The following RBFOX1 variants were observed in gnomAD, a reference collection of about 807,000 sequenced individuals.
RBFOX1 encodes RNA binding fox-1 homolog 1, also known as RNA binding protein fox-1 homolog 1.
Under a neutral mutation model 57.7 loss-of-function variants are expected in RBFOX1, and 8 were observed. The ratio of observed to expected loss-of-function variants is 0.14; its 90% confidence interval spans 0.08 to 0.25. RBFOX1 has a LOEUF of 0.25. Among genes scored for constraint, RBFOX1 ranks in the 10% least tolerant of loss-of-function variants. RBFOX1 has a pLI of 1.00. For missense variants in RBFOX1, 611 were observed against 548.5 expected, an observed-to-expected ratio of 1.11 and a Z score of -1.14; for synonymous variants, 326 against 222.4, an observed-to-expected ratio of 1.47 and a Z score of -4.15.
chr16:6,499,231 A>C (rs1019669776), intron 2 of RBFOX1, among the ~76,000 whole-genome samples: 4 of 152,156 alleles, frequency 2.6e-5, no homozygotes, highest in Admixed American at 2.6e-4. Flanking sequence ...CATTCTTCAA[A>C]ATGATATGGT....
chr16:5,603,979 C>T (rs920731017), downstream of RBFOX1, among the ~76,000 whole-genome samples: 20 of 152,132 alleles, frequency 1.3e-4, no homozygotes, highest in Non-Finnish European at 2.4e-4. Context: ...TGTCATTCTC[C>T]CCTCCTATAC....
intron 3 of RBFOX1, among the ~76,000 whole-genome samples, chr16:6,893,828 C>T (rs34932937): frequency 0.085 from 12,904 of 152,154 alleles, 679 homozygotes; most frequent in East Asian, 0.16. Context: ...TAAAAATATG[C>T]TTAATACTTC....
At chr16:7,123,424 G>A (rs2067664069) in intron 4 of RBFOX1, among the ~76,000 whole-genome samples, 1 of 152,090 alleles carries the variant, frequency 6.6e-6, no homozygotes, top group Admixed American at 6.5e-5. Context: ...GAGTACAGTG[G>A]TGCCAATACA....
chr16:6,864,989 C>CT (rs1555544471), intron 3 of RBFOX1, among the ~76,000 whole-genome samples: 61 of 105,776 alleles, frequency 5.8e-4, no homozygotes, highest in East Asian at 1.5e-3. Context: ...GTGGGTTTTT[C>CT]TTTTTCTTTT....
intron 3 of RBFOX1, among the ~76,000 whole-genome samples, chr16:5,820,447 C>T (rs553939745): frequency 6.6e-6 from 1 of 152,190 alleles, no homozygotes; most frequent in East Asian, 1.9e-4. Context: ...TGGACCGTGC[C>T]GGGATTGATC....
chr16:5,981,261 G>A (rs2060167248), intron 4 of RBFOX1, among the ~76,000 whole-genome samples: 2 of 152,222 alleles, frequency 1.3e-5, no homozygotes, highest in Admixed American at 6.5e-5. Context: ...GGAGGGCTGG[G>A]CTGGATCTTT....
At chr16:6,220,117 A>G (rs1191675096) in intron 1 of RBFOX1, among the ~76,000 whole-genome samples, 1 of 151,904 alleles carries the variant, frequency 6.6e-6, no homozygotes, top group African/African-American at 2.4e-5. Flanking sequence ...GGTATTTATC[A>G]TTTATCTGTA....
At chr16:6,120,335 T>A (rs1457617303) in intron 1 of RBFOX1, among the ~76,000 whole-genome samples, 1 of 152,230 alleles carries the variant, frequency 6.6e-6, no homozygotes, top group Non-Finnish European at 1.5e-5. Context: ...TATGTTCAAC[T>A]TACTGAGGCA....
chr16:7,464,833 A>C (rs979005585), intron 4 of RBFOX1, among the ~76,000 whole-genome samples: 1 of 150,734 alleles, frequency 6.6e-6, no homozygotes, highest in Admixed American at 6.6e-5. Context: ...AGTAGCTGGG[A>C]CTGCAGGCGC....
At chr16:6,211,246 T>TTTTG (rs71142695) in intron 1 of RBFOX1, among the ~76,000 whole-genome samples, 4 of 147,414 alleles carry the variant, frequency 2.7e-5, no homozygotes, top group Non-Finnish European at 6.0e-5. Flanking sequence ...TTTTTTTTTT[T>TTTTG]GGGATGGAGT....
rs528663279 is a variant in RBFOX1 at position 5,291,038 on chromosome 16, C to A, written c.219+50933C>A. 7.6e-4 allele frequency among the ~76,000 whole-genome samples: 116 copies of A among 152,238 alleles called. 1 individual carries two copies. The highest frequency in any genetic ancestry group is 1.8e-3 in the Admixed American group (28 of 15,288). ...TTTCAAGAAGTTTGTGTGGCTGAAG[C>A]CTGCAGGGCAAGCGAGAGAATCAGG... On this transcript the variant is annotated intron_variant, in intron 1 of 2. Coordinates refer to the RBFOX1 transcript ENST00000585867.
intron 4 of RBFOX1, among the ~76,000 whole-genome samples, chr16:5,882,764 A>C (rs540568829): frequency 1.3e-5 from 2 of 152,276 alleles, no homozygotes; most frequent in African/African-American, 4.8e-5. Flanking sequence ...ACGGAATTTG[A>C]CACAATACAT....
chr16:7,275,446 A>G (rs559403402), intron 4 of RBFOX1, among the ~76,000 whole-genome samples: 2 of 152,342 alleles, frequency 1.3e-5, no homozygotes, highest in Non-Finnish European at 1.5e-5. Flanking sequence ...AGACATTAAC[A>G]TAAGTAAGTA....
intron 3 of RBFOX1, among the ~76,000 whole-genome samples, chr16:5,637,510 T>A (rs1384016847): frequency 1.3e-5 from 2 of 152,210 alleles, no homozygotes; most frequent in Admixed American, 6.5e-5. Flanking sequence ...GTCTATAATG[T>A]GCTTAGTGTG....
At chr16:6,869,150 G>C (rs1386623991) in intron 3 of RBFOX1, among the ~76,000 whole-genome samples, 2 of 152,102 alleles carry the variant, frequency 1.3e-5, no homozygotes, top group African/African-American at 4.8e-5. Context: ...CTTGCCTCTT[G>C]CTTACCTGTC....
chr16:6,317,845 C>T (rs776591651), intron 2 of RBFOX1, among the ~76,000 whole-genome samples: 3 of 151,908 alleles, frequency 2.0e-5, no homozygotes, highest in Non-Finnish European at 2.9e-5. Flanking sequence ...TTATAAATAT[C>T]AAAATTTTAA....
chr16:6,745,350 A>G (rs1398856428), intron 3 of RBFOX1, among the ~76,000 whole-genome samples: 1 of 151,544 alleles, frequency 6.6e-6, no homozygotes, highest in Non-Finnish European at 1.5e-5. Flanking sequence ...ACAAGAAAAA[A>G]CCCCCGAAAC....
Position 6,528,932 on chromosome 16 carries a change from C to A in RBFOX1, c.-63-125671C>A, listed in dbSNP as rs76321793. On this transcript the variant is annotated intron_variant, in intron 2 of 15. Transcript: ENST00000550418. ...GCCAGAGGAATATTTATTAAATGAA[C>A]AGGTAAAATTATCCATGTTTGAACA... Among the ~76,000 whole-genome samples, 576 of 152,250 alleles carry A rather than the reference C, an allele frequency of 3.8e-3. 4 individuals are homozygous for A. Among genetic ancestry groups the A allele is most frequent in the African/African-American group, 0.013 (545 of 41,550 alleles).
intron 2 of RBFOX1, among the ~76,000 whole-genome samples, chr16:5,475,065 G>C (rs1393805337): frequency 6.6e-6 from 1 of 152,144 alleles, no homozygotes; most frequent in Non-Finnish European, 1.5e-5. Flanking sequence ...TTTGTTGTAG[G>C]TGTCTCTTGG....
Sources: allele counts gnomAD v4.1 joint callset (sites outside exome capture counted in the v4.1 genomes callset), GRCh38; gene constraint gnomAD v4.1.1; transcripts MANE v1.5; gene names NCBI Gene and HGNC (gene_info 2026-07-23, HGNC 2026-07-21).